Variants in ABR observed in about 807,000 individuals in gnomAD.
The protein encoded by ABR is active breakpoint cluster region-related protein.
A neutral mutation model predicts 107.2 loss-of-function variants in ABR; 35 were observed. That is an observed-to-expected ratio of 0.33 (90% CI 0.25 to 0.43). The LOEUF is 0.43. Ranked by LOEUF, ABR falls within the 20% of genes least tolerant of loss-of-function variation. ABR has a pLI of 1.00. For missense variants in ABR, 815 were observed against 1,115.2 expected, an observed-to-expected ratio of 0.73 and a Z score of 3.83; for synonymous variants, 498 against 462.0, an observed-to-expected ratio of 1.08 and a Z score of -1.00.
chr17:1,012,490 G>A (rs1336295473), intron 18 of ABR, 198 bp downstream of exon 18: 2 of 700,234 alleles, frequency 2.9e-6, no homozygotes, highest in Admixed American at 4.0e-5. Flanking sequence ...GCGTTTAGGT[G>A]CTGGCTCGCG....
intron 1 of ABR, among the ~76,000 whole-genome samples, chr17:1,175,654 C>T (rs919251479): frequency 6.6e-6 from 1 of 152,128 alleles, no homozygotes; most frequent in East Asian, 1.9e-4. Context: ...TCACACTTAC[C>T]GCAGCCCTTC....
chr17:1,023,087 ACTGCAGAGCCT>A (rs1357565326), intron 16 of ABR, among the ~76,000 whole-genome samples: 11 of 144,744 alleles, frequency 7.6e-5, no homozygotes, highest in African/African-American at 2.9e-4. Flanking sequence ...CCCCACGTCC[ACTGCAGAGCCT>A]CTGCCGGCCC....
chr17:1,081,863 C>T (rs372212991), intron 5 of ABR, among the ~76,000 whole-genome samples: 1 of 152,214 alleles, frequency 6.6e-6, no homozygotes, highest in Non-Finnish European at 1.5e-5. Context: ...AGGTGTGAGC[C>T]GCCACGCCCG....
intron 1 of ABR, among the ~76,000 whole-genome samples, chr17:1,145,759 C>A (rs2040502000): frequency 6.6e-6 from 1 of 152,220 alleles, no homozygotes; most frequent in Admixed American, 6.5e-5. Flanking sequence ...ATGCACGACC[C>A]CTGCCTTCCA....
At chr17:1,129,952 A>C (rs1405140279) in intron 1 of ABR, among the ~76,000 whole-genome samples, 2 of 152,122 alleles carry the variant, frequency 1.3e-5, no homozygotes, top group African/African-American at 4.8e-5. Flanking sequence ...GTCTCGAAAC[A>C]ACCAACCAAC....
chr17:1,064,799 G>A (rs2034514949), intron 10 of ABR, among the ~76,000 whole-genome samples: 1 of 131,574 alleles, frequency 7.6e-6, no homozygotes, highest in African/African-American at 2.8e-5. Flanking sequence ...AGACACTGTT[G>A]TTATGTGAAC....
intron 1 of ABR, among the ~76,000 whole-genome samples, chr17:1,137,234 G>T (rs2040107628): frequency 6.6e-6 from 1 of 152,076 alleles, no homozygotes. Context: ...AGTAGCGATG[G>T]GGTTTCACCA....
intron 16 of ABR, among the ~76,000 whole-genome samples, chr17:1,022,120 AAAAAACAG>A (rs1481449738): frequency 1.7e-5 from 2 of 118,388 alleles, no homozygotes; most frequent in Non-Finnish European, 3.3e-5. Context: ...AAAAAAAAAA[AAAAAACAG>A]AAAATGACTC....
Position 1,107,038 on chromosome 17 carries a change from C to T in ABR, c.247-6303G>A, listed in dbSNP as rs74439243. Among the ~76,000 whole-genome samples, 520 of 152,350 alleles carry T rather than the reference C, an allele frequency of 3.4e-3. 1 individual carries two copies. The highest frequency in any genetic ancestry group is 0.012 in the African/African-American group (495 of 41,590). The stretch of plus-strand genomic sequence containing the variant: ...CTGTGGCCACCTGCTTGTCTTCTCC[C>T]TCTGAGGCCAATGCCGGTAGAGGAG... On this transcript the variant is annotated intron_variant, in intron 2 of 22. Transcript: ENST00000302538.
At position 1,100,541 on chromosome 17, in the gene ABR, C is replaced by T. The variant is rs564677219; in HGVS notation, c.345+96G>A. ...TCCACAGGGAGGGACGGGTACGGTCCCCTTTCCTCTCCAACTCCAAAAGCA... is the reference window on the plus strand; with the variant it reads ...TCCACAGGGAGGGACGGGTACGGTCTCCTTTCCTCTCCAACTCCAAAAGCA... On this transcript the variant is annotated intron_variant, in intron 3 of 22. Transcript: ENST00000302538. 35 of 1,188,834 alleles carry T rather than the reference C, an allele frequency of 2.9e-5. No homozygotes were observed. In the East Asian group the frequency reaches 8.2e-4, roughly 28 times the overall value. 73.6% of individuals were successfully genotyped at this position (1,188,834 alleles called of 1,614,324 possible).
intron 3 of ABR, among the ~76,000 whole-genome samples, chr17:1,096,591 C>G (rs2151318629): frequency 6.6e-6 from 1 of 152,316 alleles, no homozygotes; most frequent in African/African-American, 2.4e-5. Flanking sequence ...TACCACAGAC[C>G]TGGCCTCCCA....
At position 1,072,522 on chromosome 17, in the gene ABR, C is replaced by T. The variant is rs1597675381; in HGVS notation, c.894+92G>A. ...GCCGCCCGTGTGTGAGAGAAGGGGA[C>T]GAGGGACCTGCCGCCCGTGTGTGAG... On this transcript the variant is annotated intron_variant, in intron 8 of 22. Coordinates refer to ENST00000302538, the MANE Select transcript of ABR (RefSeq NM_021962.5). The T allele has an allele frequency of 7.0e-6, 7 of 1,004,992 alleles. No individual in the cohort carries two copies. The East Asian group carries it at 1.2e-4, about 17-fold the overall frequency. The allele number at this position is 1,004,992 out of a possible 1,614,324, so 62.3% of individuals were successfully genotyped here. A position where few individuals can be genotyped will look rare whatever the true frequency, so the allele number is the denominator to read the frequency against.
intron 16 of ABR, among the ~76,000 whole-genome samples, chr17:1,028,167 T>C (rs191902615): frequency 3.3e-4 from 50 of 152,122 alleles, no homozygotes; most frequent in African/African-American, 1.1e-3. Flanking sequence ...CTCGGCTCAC[T>C]GCAACCTCCA....
chr17:1,045,263 A>G (rs1039387221), intron 16 of ABR, among the ~76,000 whole-genome samples: 3 of 152,212 alleles, frequency 2.0e-5, no homozygotes, highest in African/African-American at 7.2e-5. Context: ...TCCTCCTTGA[A>G]GCCTCCCTAA....
chr17:1,188,214 AC>A (rs1229408389), upstream of ABR, among the ~76,000 whole-genome samples: 2 of 152,074 alleles, frequency 1.3e-5, no homozygotes, highest in Admixed American at 1.3e-4. Context: ...TCTCAAAAAA[AC>A]AAATAAGTAA....
At chr17:1,107,590 C>T (rs148054497) in intron 2 of ABR, among the ~76,000 whole-genome samples, 328 of 152,294 alleles carry the variant, frequency 2.2e-3, no homozygotes, top group Admixed American at 5.0e-3. Context: ...CAGAGGAGGC[C>T]CATGAGGGCC....
chr17:1,013,821 G>A (rs942912171), intron 16 of ABR, among the ~76,000 whole-genome samples: 2 of 152,188 alleles, frequency 1.3e-5, no homozygotes, highest in Admixed American at 6.5e-5. Flanking sequence ...CCCCAGGCTC[G>A]GGCTGGAGCC....
intron 1 of ABR, among the ~76,000 whole-genome samples, chr17:1,143,026 G>A (rs2040361630): frequency 7.1e-6 from 1 of 140,358 alleles, no homozygotes; most frequent in African/African-American, 2.7e-5. Flanking sequence ...CTCGCTCCTG[G>A]GGGACAGCTC....
At position 1,073,331 on chromosome 17, in the gene ABR, G is replaced by A. The variant is rs78701479; in HGVS notation, c.753+294C>T. Among the ~76,000 whole-genome samples, 21 of 152,260 alleles carry A rather than the reference G, an allele frequency of 1.4e-4. No individual in the cohort carries two copies. The East Asian group carries it at 4.1e-3, about 29-fold the overall frequency. On this transcript the variant is annotated intron_variant, in intron 7 of 22. Transcript: ENST00000302538. ...CCCGAGCAGCTGGGAGAGAAACCCT[G>A]TGTCTGCCCTGCAGCTGCTCCAAGG...
Sources: allele counts gnomAD v4.1 joint callset (sites outside exome capture counted in the v4.1 genomes callset), GRCh38; gene constraint gnomAD v4.1.1; transcripts MANE v1.5; gene names NCBI Gene and HGNC (gene_info 2026-07-23, HGNC 2026-07-21).